GMDS: variants seen among roughly 807,000 people sequenced by gnomAD.
GMDS encodes GDP-mannose 4,6-dehydratase.
GMDS carries 20 observed loss-of-function variants against 49.9 expected under a neutral mutation model. That is an observed-to-expected ratio of 0.40 (90% CI 0.28 to 0.58). GMDS has a LOEUF of 0.58. GMDS is among the 20% of genes least tolerant of loss of function. GMDS has a pLI of 0.42. For missense variants in GMDS, 362 were observed against 481.4 expected, an observed-to-expected ratio of 0.75 and a Z score of 2.32; for synonymous variants, 177 against 178.6, an observed-to-expected ratio of 0.99 and a Z score of 0.07.
intron 9 of GMDS, among the ~76,000 whole-genome samples, chr6:1,669,690 A>T (rs1347390368): frequency 6.6e-6 from 1 of 151,980 alleles, no homozygotes; most frequent in Non-Finnish European, 1.5e-5. Flanking sequence ...AGGCAGGCGG[A>T]TCACTTGAGG....
At chr6:1,853,169 A>G (rs1323059444) in intron 7 of GMDS, among the ~76,000 whole-genome samples, 1 of 152,066 alleles carries the variant, frequency 6.6e-6, no homozygotes, top group Non-Finnish European at 1.5e-5. Flanking sequence ...TGAGACATGA[A>G]ATACTGCCAA....
chr6:1,922,778 G>A (rs1761784277), intron 7 of GMDS, among the ~76,000 whole-genome samples: 2 of 152,168 alleles, frequency 1.3e-5, no homozygotes, highest in African/African-American at 4.8e-5. Context: ...GGGAAGACTT[G>A]TCCCGTCCCA....
rs1562069068 is a variant in GMDS at position 2,115,822 on chromosome 6, A to G, written c.294T>C (p.Asn98=). The G allele has an allele frequency of 1.2e-6, 2 of 1,611,066 alleles. No homozygotes were observed. Among genetic ancestry groups the G allele is most frequent in the East Asian group, 2.2e-5 (1 of 44,864 alleles). Reference sequence around the variant, plus strand: ...TGTAGATCTCTGTGGGCTTTACTTCATTAATGATCTTCACAAGGCAGGTAC... The same window carrying G: ...TGTAGATCTCTGTGGGCTTTACTTCGTTAATGATCTTCACAAGGCAGGTAC... ...TDSTCLVKII[N]EVKPTEIYNL... Residue 98 remains asparagine, a synonymous_variant, in exon 4 of 11, where the codon AAT becomes AAC. Coordinates refer to ENST00000380815, the MANE Select transcript of GMDS (RefSeq NM_001500.4).
At chr6:2,110,587 G>A (rs1449399078) in intron 4 of GMDS, among the ~76,000 whole-genome samples, 1 of 152,116 alleles carries the variant, frequency 6.6e-6, no homozygotes, top group Non-Finnish European at 1.5e-5. Flanking sequence ...ACGTGGAGGA[G>A]TGTTCAGACT....
At chr6:1,955,841 C>T (rs964603510) in intron 6 of GMDS, among the ~76,000 whole-genome samples, 3 of 151,892 alleles carry the variant, frequency 2.0e-5, no homozygotes, top group Non-Finnish European at 4.4e-5. Flanking sequence ...CAGTCAAAAC[C>T]GTAATGAGCA....
chr6:1,806,129 G>T (rs1770167222), intron 7 of GMDS, among the ~76,000 whole-genome samples: 1 of 151,758 alleles, frequency 6.6e-6, no homozygotes, highest in Admixed American at 6.6e-5. Flanking sequence ...AGGAAACAAA[G>T]GAAAGAAAAA....
chr6:2,224,881 A>G (rs1780748740), intron 1 of GMDS, among the ~76,000 whole-genome samples: 1 of 152,234 alleles, frequency 6.6e-6, no homozygotes, highest in African/African-American at 2.4e-5. Flanking sequence ...ACCTATGGCT[A>G]GTACCATTAT....
intron 1 of GMDS, among the ~76,000 whole-genome samples, chr6:2,208,232 G>A (rs1222329488): frequency 4.6e-5 from 7 of 152,082 alleles, no homozygotes; most frequent in Non-Finnish European, 7.4e-5. Context: ...TCAAGTTTAC[G>A]CCATCACCCA....
chr6:1,881,731 A>T (rs1462631044), intron 7 of GMDS, among the ~76,000 whole-genome samples: 2 of 152,216 alleles, frequency 1.3e-5, no homozygotes, highest in African/African-American at 4.8e-5. Flanking sequence ...AATCCAACTG[A>T]GTTGACTGGA....
At chr6:1,984,253 G>C (rs1481477210) in intron 4 of GMDS, among the ~76,000 whole-genome samples, 2 of 152,148 alleles carry the variant, frequency 1.3e-5, no homozygotes, top group Non-Finnish European at 2.9e-5. Context: ...AGAGCATCGG[G>C]AAGAATAGCT....
intron 6 of GMDS, among the ~76,000 whole-genome samples, chr6:1,941,989 C>T (rs148047652): frequency 1.9e-3 from 283 of 152,306 alleles, no homozygotes; most frequent in African/African-American, 6.5e-3. Context: ...TGAACTGAGT[C>T]GGAGGGAGAA....
At chr6:1,755,231 C>A (rs560253362) in intron 7 of GMDS, among the ~76,000 whole-genome samples, 81 of 152,240 alleles carry the variant, frequency 5.3e-4, no homozygotes, top group South Asian at 1.0e-3. Context: ...TTCCTATATA[C>A]CAATAATAGA....
intron 1 of GMDS, among the ~76,000 whole-genome samples, chr6:2,126,000 A>T (rs1775411468): frequency 6.6e-6 from 1 of 152,206 alleles, no homozygotes; most frequent in Non-Finnish European, 1.5e-5. Flanking sequence ...GACAAAATAC[A>T]GAGATTCTCA....
chr6:2,153,185 C>T (rs1776923463), intron 1 of GMDS, among the ~76,000 whole-genome samples: 1 of 152,060 alleles, frequency 6.6e-6, no homozygotes, highest in Non-Finnish European at 1.5e-5. Context: ...ATTCTTTATG[C>T]CAAAAGACCT....
chr6:1,801,064 T>G (rs1769929005), intron 7 of GMDS, among the ~76,000 whole-genome samples: 1 of 152,214 alleles, frequency 6.6e-6, no homozygotes, highest in South Asian at 2.1e-4. Context: ...ACTCGGGGGA[T>G]ACAATCTGCT....
intron 7 of GMDS, among the ~76,000 whole-genome samples, chr6:1,840,048 G>A (rs751687875): frequency 1.8e-4 from 27 of 152,314 alleles, no homozygotes; most frequent in Middle Eastern, 6.8e-3. Flanking sequence ...GAAGCAATGA[G>A]AGGCGAGGAC....
At chr6:2,109,762 C>T (rs1052803387) in intron 4 of GMDS, among the ~76,000 whole-genome samples, 23 of 152,324 alleles carry the variant, frequency 1.5e-4, no homozygotes, top group Non-Finnish European at 5.9e-5. Flanking sequence ...AATGTCTCCC[C>T]GCTGCATCCT....
chr6:2,189,922 G>GT (rs3839610), intron 1 of GMDS, among the ~76,000 whole-genome samples: 1 of 151,902 alleles, frequency 6.6e-6, no homozygotes. Context: ...TGTGTAGTAA[G>GT]AGCGTTTCTG....
chr6:2,053,413 C>A (rs1286024193), intron 4 of GMDS, among the ~76,000 whole-genome samples: 3 of 152,024 alleles, frequency 2.0e-5, no homozygotes, highest in Non-Finnish European at 4.4e-5. Flanking sequence ...AGAAAAACAA[C>A]CACACAAATG....
Sources: gnomAD v4.1 joint callset for allele counts (sites outside exome capture counted in the v4.1 genomes callset) on GRCh38, gnomAD v4.1.1 for gene constraint, MANE v1.5 for transcripts, NCBI Gene and HGNC (gene_info 2026-07-23, HGNC 2026-07-21) for gene names.